Variants in TPP2 observed in about 807,000 individuals in gnomAD.
The protein encoded by TPP2 is tripeptidyl-peptidase 2.
Under a neutral mutation model 155.9 loss-of-function variants are expected in TPP2, and 34 were observed. The ratio of observed to expected loss-of-function variants is 0.22; its 90% CI spans 0.17 to 0.29. TPP2 has a LOEUF of 0.29. Ranked by LOEUF, TPP2 falls within the 10% of genes least tolerant of loss-of-function variation. The pLI, the probability that TPP2 is intolerant of heterozygous loss-of-function variation, is 1.00. For synonymous variants in TPP2, 510 were observed against 529.4 expected, an observed-to-expected ratio of 0.96 and a Z score of 0.50; for missense variants, 1,028 against 1,522.3, an observed-to-expected ratio of 0.68 and a Z score of 5.40.
chr13:102,629,605 G>T lies in TPP2; in HGVS notation c.1140G>T (p.Val380=). Residue 380 remains valine (V), a synonymous_variant, in exon 9 of 30, where the codon GTG becomes GTT. Transcript: ENST00000376052. ...GTCCAGGTGGAACTACATCAAGTGT[G>T]ATAGGTTAGTTTCCTGTTTTAGAAA... is the stretch of plus-strand genomic sequence containing the variant. ...VGCPGGTTSS[V]IGVGAYVSPD... The T allele has an allele frequency of 6.5e-7, 1 of 1,545,320 alleles. No individual in the cohort carries two copies. The highest frequency in any genetic ancestry group is 8.6e-7 in the Non-Finnish European group (1 of 1,157,472).
chr13:102,617,194 A>G (rs976971852), intron 4 of TPP2, among the ~76,000 whole-genome samples: 32 of 152,138 alleles, frequency 2.1e-4, no homozygotes, highest in East Asian at 1.5e-3. Context: ...GATTACAGGC[A>G]TGAGCCACCG....
At chr13:102,648,053 A>G (rs1281474812) in intron 21 of TPP2, among the ~76,000 whole-genome samples, 2 of 152,194 alleles carry the variant, frequency 1.3e-5, no homozygotes, top group Admixed American at 6.5e-5. Context: ...GGCCTACTGC[A>G]GTGCTATTAT....
At chr13:102,649,366 TC>T in intron 22 of TPP2, 41 bp from the exon 23 acceptor site, 1 of 1,577,706 alleles carries the variant, frequency 6.3e-7, no homozygotes, top group Non-Finnish European at 8.6e-7. Flanking sequence ...TGTGAAACTT[TC>T]TCTTTTGTTG....
chr13:102,666,946 T>G (rs966189411), intron 27 of TPP2, among the ~76,000 whole-genome samples: 1 of 152,130 alleles, frequency 6.6e-6, no homozygotes, highest in East Asian at 1.9e-4. Flanking sequence ...TGTTTATCCT[T>G]GTAATTAAAG....
At chr13:102,633,850 T>C in intron 10 of TPP2, 100 bp from the exon 11 acceptor site, 1 of 1,512,446 alleles carries the variant, frequency 6.6e-7, no homozygotes, top group South Asian at 1.2e-5. Context: ...AGTTAGTACA[T>C]AGTGTTATAC....
intron 6 of TPP2, among the ~76,000 whole-genome samples, chr13:102,624,288 G>A (rs1881398756): frequency 6.6e-6 from 1 of 152,142 alleles, no homozygotes; most frequent in Non-Finnish European, 1.5e-5. Context: ...AGGGTAGGGG[G>A]AAAAAGGAGA....
chr13:102,649,315 C>T, intron 22 of TPP2, 93 bp from the exon 23 acceptor site: 1 of 1,453,430 alleles, frequency 6.9e-7, no homozygotes, highest in African/African-American at 1.4e-5. Context: ...GGAATGAATT[C>T]AGTGTGGAAT....
In TPP2 at chr13:102,647,251, A is replaced by G. The variant is rs1266348310; in HGVS notation, c.2535A>G (p.Glu845=). ...CTCCAAGCTGCCCACTACTTTGTGA[A>G]CTATTATATGAATCTGAATTTGACA... is the stretch of plus-strand genomic sequence containing the variant. ...EVTPSCPLLC[E]LLYESEFDSQ... is the part of the protein sequence containing the mutation. Residue 845 remains glutamate (E), a synonymous_variant, in exon 21 of 30, where the codon GAA becomes GAG. Coordinates refer to ENST00000376052, the MANE Select transcript of TPP2 (RefSeq NM_001330588.2). The G allele has an allele frequency of 1.9e-6, 3 of 1,613,820 alleles. No individual in the cohort carries two copies. Among genetic ancestry groups the G allele is most frequent in the South Asian group, 1.1e-5 (1 of 91,042 alleles).
chr13:102,616,918 G>GTTTTTTTT (rs67497572), intron 4 of TPP2, among the ~76,000 whole-genome samples: 1 of 143,578 alleles, frequency 7.0e-6, no homozygotes, highest in Non-Finnish European at 1.5e-5. Context: ...TTTGTTTTTT[G>GTTTTTTTT]TTTTTTTTTT....
chr13:102,633,800 T>G, intron 10 of TPP2, 150 bp from the exon 11 acceptor site: 4 of 1,150,518 alleles, frequency 3.5e-6, no homozygotes, highest in Non-Finnish European at 4.8e-6. Flanking sequence ...CCCCATTGAT[T>G]CTTCATAGTA....
chr13:102,626,893 G>T, intron 6 of TPP2, 119 bp from the exon 7 acceptor site: 1 of 1,056,146 alleles, frequency 9.5e-7, no homozygotes, highest in Non-Finnish European at 1.3e-6. Context: ...TGCTCTCCAT[G>T]AACAGGGTAG....
chr13:102,615,993 G>C (rs1880690339), intron 3 of TPP2, among the ~76,000 whole-genome samples: 1 of 149,868 alleles, frequency 6.7e-6, no homozygotes, highest in South Asian at 2.1e-4. Context: ...GTCTTACTCT[G>C]TTGCCCAGGC....
Position 102,640,216 on chromosome 13 carries a change from T to C in TPP2, c.1914-54T>C, listed in dbSNP as rs1307266743. ...TGCGTTTATCCAATGAAATCTAGAG[T>C]ATCTGTGGTCTTATAATAAATATAT... On this transcript the variant is annotated intron_variant, in intron 15 of 29. Transcript: ENST00000376052. The C allele has an allele frequency of 5.4e-6, 7 of 1,287,976 alleles. No homozygotes were observed. The Admixed American group carries it at 1.1e-4, about 20-fold the overall frequency. The allele number at this position is 1,287,976 out of a possible 1,614,324, so 79.8% of individuals were successfully genotyped here.
Position 102,664,807 on chromosome 13 carries a change from A to G in TPP2, c.3253A>G (p.Arg1085Gly), listed in dbSNP as rs746962715. Residue 1085 changes from arginine to glycine, a missense_variant, in exon 27 of 30, where the codon AGA becomes GGA. Physicochemically the swap from Arg to Gly is moderately radical, Grantham distance 125. Transcript: ENST00000376052. ...TTTTCCTCTCCAGGAACGAATGAAA[A>G]GACTTAATGAAATTGTTGATGCGGC... ...QLDAEKERMK[R>G]LNEIVDAANA... 3.2e-5 allele frequency: 51 copies of G among 1,612,756 alleles called. No individual in the cohort carries two copies. Among genetic ancestry groups the G allele is most frequent in the Non-Finnish European group, 4.1e-5 (48 of 1,179,634 alleles).
intron 2 of TPP2, among the ~76,000 whole-genome samples, chr13:102,610,696 T>C (rs2139429539): frequency 6.6e-6 from 1 of 152,326 alleles, no homozygotes; most frequent in African/African-American, 2.4e-5. Flanking sequence ...TAGGCTTCCT[T>C]GAGAAACCAG....
At chr13:102,610,371 G>A (rs1880192309) in intron 2 of TPP2, among the ~76,000 whole-genome samples, 1 of 152,020 alleles carries the variant, frequency 6.6e-6, no homozygotes, top group Non-Finnish European at 1.5e-5. Flanking sequence ...TGGGATTATA[G>A]GCACCCGCCA....
At chr13:102,665,992 A>G (rs374398912) in intron 27 of TPP2, among the ~76,000 whole-genome samples, 1 of 152,206 alleles carries the variant, frequency 6.6e-6, no homozygotes, top group East Asian at 1.9e-4. Context: ...CATATTTTTC[A>G]AAAGAATAGT....
intron 21 of TPP2, among the ~76,000 whole-genome samples, chr13:102,647,803 G>A (rs1055010581): frequency 6.6e-6 from 1 of 152,164 alleles, no homozygotes; most frequent in African/African-American, 2.4e-5. Context: ...ACTCTGTAAT[G>A]AGCACTTACT....
intron 3 of TPP2, among the ~76,000 whole-genome samples, chr13:102,615,484 T>C (rs1461545901): frequency 6.6e-6 from 1 of 152,194 alleles, no homozygotes; most frequent in Non-Finnish European, 1.5e-5. Context: ...ATCAGCTGTG[T>C]TGATAAGATG....
Sources: gnomAD v4.1 joint callset for allele counts (sites outside exome capture counted in the v4.1 genomes callset) on GRCh38, gnomAD v4.1.1 for gene constraint, MANE v1.5 for transcripts, NCBI Gene and HGNC (gene_info 2026-07-23, HGNC 2026-07-21) for gene names.